Variants in SVIL observed in about 807,000 individuals in gnomAD.
The protein encoded by SVIL is supervillin, also known as archvillin.
A neutral mutation model predicts 240.4 loss-of-function variants in SVIL; 101 were observed. The ratio of observed to expected loss-of-function variants is 0.42; its 90% CI spans 0.36 to 0.50. The LOEUF is 0.50. Ranked by LOEUF, SVIL falls within the 20% of genes least tolerant of loss-of-function variation. The probability of loss-of-function intolerance (pLI) is 0.01; values close to 1 mark genes in which losing one functional copy is unlikely to be tolerated. For synonymous variants in SVIL, 999 were observed against 1,100.0 expected (o/e 0.91, Z 1.82); for missense variants, 2,512 against 2,818.7 (o/e 0.89, Z 2.46).
At chr10:29,612,723 G>A (rs1221339635) in intron 1 of SVIL, among the ~76,000 whole-genome samples, 1 of 152,142 alleles carries the variant, frequency 6.6e-6, no homozygotes, top group Non-Finnish European at 1.5e-5. Flanking sequence ...AAGGAAAAAA[G>A]ATTTCAAAAA....
At chr10:29,545,465 A>G (rs1445455043) in intron 6 of SVIL, among the ~76,000 whole-genome samples, 1 of 152,160 alleles carries the variant, frequency 6.6e-6, no homozygotes, top group Non-Finnish European at 1.5e-5. Flanking sequence ...CTAAGGACAC[A>G]ATTTGCTAAA....
intron 3 of SVIL, among the ~76,000 whole-genome samples, chr10:29,644,887 G>T (rs1379291917): frequency 2.6e-5 from 4 of 151,950 alleles, no homozygotes; most frequent in African/African-American, 4.8e-5. Flanking sequence ...CTGGGGCGTG[G>T]GAGGATGGGG....
rs1266533783 is a variant in SVIL at position 29,490,924 on chromosome 10, T to C, written c.4115A>G (p.Glu1372Gly). 6.2e-7 allele frequency: 1 copy of C among 1,613,864 alleles called. No homozygotes were observed. The highest frequency in any genetic ancestry group is 8.5e-7 in the Non-Finnish European group (1 of 1,179,876). ...KNPLKMLAAR[E>G]DLLQEYTEQR... ...CTCAGTGTATTCCTGAAGGAGATCT[T>C]CTCTTGCCGCCAGCATTTTCAGGGG... is the stretch of plus-strand genomic sequence containing the variant. The change falls in exon 22 of 38, where the codon GAA becomes GGA. Residue 1372 changes from glutamate to glycine, a missense_variant. Coordinates refer to ENST00000355867, the MANE Select transcript of SVIL (RefSeq NM_021738.3).
chr10:29,548,830 A>C (rs1952936126), intron 6 of SVIL, among the ~76,000 whole-genome samples: 1 of 152,234 alleles, frequency 6.6e-6, no homozygotes, highest in African/African-American at 2.4e-5. Context: ...AAAAGCGGCG[A>C]AAAGATAAAC....
At chr10:29,576,190 A>G in intron 1 of SVIL, 1 of 877,022 alleles carries the variant, frequency 1.1e-6, no homozygotes, top group Non-Finnish European at 1.4e-6. Flanking sequence ...CTTTATGGAC[A>G]CTCATAAGAA....
chr10:29,472,118 G>T (rs1945650794), intron 30 of SVIL, among the ~76,000 whole-genome samples: 2 of 152,044 alleles, frequency 1.3e-5, no homozygotes, highest in African/African-American at 2.4e-5. Flanking sequence ...TCAAAAAAAT[G>T]ATACAAATAA....
In SVIL at chr10:29,545,568, G is replaced by A. The variant is rs138960610; in HGVS notation, c.827+5029C>T. Among the ~76,000 whole-genome samples the A allele has an allele frequency of 4.7e-3, 710 of 152,174 alleles. 4 individuals carry two copies. The highest frequency in any genetic ancestry group is 6.8e-3 in the Middle Eastern group (2 of 294). On this transcript the variant is annotated intron_variant, in intron 6 of 37. Transcript: ENST00000355867. ...GAGTGGATCACCACTAGAAAATGAGGTCTACCAGCCGGGCGTGGTGGCTCA... is the reference window on the plus strand; with the variant it reads ...GAGTGGATCACCACTAGAAAATGAGATCTACCAGCCGGGCGTGGTGGCTCA...
At chr10:29,498,229 C>T (rs116377781) in intron 18 of SVIL, among the ~76,000 whole-genome samples, 5,678 of 151,866 alleles carry the variant, frequency 0.037, 363 homozygotes, top group African/African-American at 0.13. Context: ...ACCACCTGGC[C>T]CACATGGTGA....
intron 1 of SVIL, among the ~76,000 whole-genome samples, chr10:29,708,840 GA>G (rs1963085148): frequency 6.6e-6 from 1 of 151,554 alleles, no homozygotes; most frequent in South Asian, 2.1e-4. Context: ...AAAAAGCAAA[GA>G]AAACAAAACA....
At chr10:29,486,312 T>C (rs759143015) in intron 25 of SVIL, 82 bp from the exon 26 acceptor site, 120 of 1,592,542 alleles carry the variant, frequency 7.5e-5, no homozygotes, top group Admixed American at 1.6e-4. Context: ...AATTTCACAT[T>C]GTAAAATTTT....
chr10:29,658,421 T>C (rs1456430548), intron 2 of SVIL, among the ~76,000 whole-genome samples: 5 of 152,262 alleles, frequency 3.3e-5, no homozygotes, highest in Non-Finnish European at 7.3e-5. Flanking sequence ...TCATTTTTGG[T>C]AAATATGAGT....
At chr10:29,524,398 C>T (rs1950756885) in intron 14 of SVIL, 74 bp downstream of exon 14, 2 of 1,590,476 alleles carry the variant, frequency 1.3e-6, no homozygotes, top group South Asian at 1.1e-5. Context: ...CATCATTGAC[C>T]TCAGAGGAAT....
rs1284586648 is a variant in SVIL, at chr10:29,554,809, G to A, written c.134C>T (p.Ala45Val). 6 of 1,608,804 alleles carry A rather than the reference G, an allele frequency of 3.7e-6. No homozygotes were observed. Among genetic ancestry groups the A allele is most frequent in the Non-Finnish European group, 5.1e-6 (6 of 1,177,696 alleles). The change falls in exon 5 of 38, where the codon GCC becomes GTC. Residue 45 changes from alanine to valine, a missense_variant. Coordinates refer to ENST00000355867, the MANE Select transcript of SVIL (RefSeq NM_021738.3). ...GATGTGGGGGCTGGCAGGGTCGCTG[G>A]CTCTCATGTATCGAGGGGTGTCTTC... is the stretch of plus-strand genomic sequence containing the variant. ...LEEDTPRYMR[A>V]SDPASPHIGR...
At chr10:29,607,503 T>A (rs1957070043) in intron 1 of SVIL, among the ~76,000 whole-genome samples, 1 of 152,182 alleles carries the variant, frequency 6.6e-6, no homozygotes, top group Admixed American at 6.5e-5. Flanking sequence ...AACATGATTT[T>A]TTTTTTCAAA....
chr10:29,520,965 T>C (rs566458230), intron 16 of SVIL, among the ~76,000 whole-genome samples: 1 of 150,218 alleles, frequency 6.7e-6, no homozygotes, highest in South Asian at 2.1e-4. Flanking sequence ...GGCTCACGCC[T>C]GTAATCCCAG....
In SVIL at chr10:29,488,766, T is replaced by A; in HGVS notation, c.4193-10A>T. On this transcript the variant is annotated splice_polypyrimidine_tract_variant and intron_variant, in intron 22 of 37. Transcript: ENST00000355867. ...TTGGAGTTGGAAGACACTGGGCACG[T>A]TGAATAAGGAAACACAACGCAGGAG... 1 of 1,609,768 alleles carries A rather than the reference T, an allele frequency of 6.2e-7. No homozygotes were observed. Among genetic ancestry groups the A allele is most frequent in the South Asian group, 1.1e-5 (1 of 89,994 alleles).
At chr10:29,531,596 C>T (rs889164950) in intron 9 of SVIL, among the ~76,000 whole-genome samples, 8 of 152,310 alleles carry the variant, frequency 5.3e-5, no homozygotes, top group African/African-American at 1.9e-4. Flanking sequence ...TAGTATATGA[C>T]ACTTCAGTAT....
At chr10:29,536,122 T>C in intron 6 of SVIL, 53 bp from the exon 7 acceptor site, 2 of 1,522,650 alleles carry the variant, frequency 1.3e-6, no homozygotes, top group Non-Finnish European at 1.8e-6. Flanking sequence ...CGTCAACATA[T>C]ACACAGACTT....
chr10:29,481,498 A>G (rs1946846136), intron 28 of SVIL, 86 bp downstream of exon 28: 1 of 1,554,606 alleles, frequency 6.4e-7, no homozygotes, highest in African/African-American at 1.4e-5. Context: ...CATACGAACT[A>G]TCCTGATTTG....
Sources: allele counts gnomAD v4.1 joint callset (sites outside exome capture counted in the v4.1 genomes callset), GRCh38; gene constraint gnomAD v4.1.1; transcripts MANE v1.5; gene names NCBI Gene and HGNC (gene_info 2026-07-23, HGNC 2026-07-21).